The following ABCA10 variants were observed in gnomAD, a reference collection of about 807,000 sequenced individuals.
ABCA10 encodes the protein ATP binding cassette subfamily A member 10.
ABCA10 carries 169 observed loss-of-function variants against 187.5 expected under a neutral mutation model. That is an observed-to-expected ratio of 0.90 (90% confidence interval 0.80 to 1.02). The LOEUF is 1.02. Ranked by LOEUF, ABCA10 falls within the 50% of genes least tolerant of loss-of-function variation. The probability of loss-of-function intolerance (pLI) is 0.00; values close to 1 mark genes in which losing one functional copy is unlikely to be tolerated. For synonymous variants in ABCA10, 574 were observed against 601.8 expected (o/e 0.95, Z 0.68); for missense variants, 1,727 against 1,812.4 (o/e 0.95, Z 0.86).
chr17:69,220,004 G>A (rs2074734792), intron 5 of ABCA10, among the ~76,000 whole-genome samples: 2 of 152,116 alleles, frequency 1.3e-5, no homozygotes, highest in Admixed American at 1.3e-4. Context: ...CTACGTAATG[G>A]GGAAACAGCA....
intron 20 of ABCA10, among the ~76,000 whole-genome samples, chr17:69,183,351 T>C (rs1284012474): frequency 6.6e-6 from 1 of 152,120 alleles, no homozygotes; most frequent in Non-Finnish European, 1.5e-5. Context: ...ATTTCCATCA[T>C]AGATGGAAAG....
chr17:69,229,152 G>A (rs906759529), upstream of ABCA10, among the ~76,000 whole-genome samples: 15 of 151,972 alleles, frequency 9.9e-5, no homozygotes, highest in Admixed American at 9.8e-4. Flanking sequence ...ACTAGAAAGT[G>A]TTCTAAGGGT....
intron 27 of ABCA10, among the ~76,000 whole-genome samples, chr17:69,160,594 A>T (rs562587651): frequency 3.0e-4 from 46 of 152,288 alleles, no homozygotes; most frequent in Non-Finnish European, 5.4e-4. Context: ...TGACAGAGCA[A>T]GACTCCAGAA....
intron 36 of ABCA10, among the ~76,000 whole-genome samples, chr17:69,150,781 G>A (rs1479035590): frequency 6.6e-6 from 1 of 152,182 alleles, no homozygotes; most frequent in Non-Finnish European, 1.5e-5. Flanking sequence ...GAAGTACTCA[G>A]TAGCTACGTA....
At chr17:69,152,284 G>C (rs2074135251) in intron 35 of ABCA10, 78 bp downstream of exon 35, 1 of 1,576,328 alleles carries the variant, frequency 6.3e-7, no homozygotes, top group South Asian at 1.2e-5. Context: ...GAGCTGTAGA[G>C]CATCAGCTGT....
At chr17:69,210,166 ATTTC>A (rs1403832020) in intron 9 of ABCA10, among the ~76,000 whole-genome samples, 2 of 56,224 alleles carry the variant, frequency 3.6e-5, no homozygotes, top group African/African-American at 7.0e-5. Context: ...TTTAGTGGTT[ATTTC>A]TTTTTTTTTT....
intron 25 of ABCA10, among the ~76,000 whole-genome samples, chr17:69,167,858 CA>C (rs1792276969): frequency 6.6e-6 from 1 of 151,946 alleles, no homozygotes; most frequent in Non-Finnish European, 1.5e-5. Context: ...AATAAAAAAG[CA>C]AAAAGTAAGA....
intron 34 of ABCA10, 133 bp downstream of exon 34, chr17:69,153,172 G>A: frequency 9.1e-7 from 1 of 1,095,216 alleles, no homozygotes; most frequent in Non-Finnish European, 1.3e-6. Flanking sequence ...AGGTTTCACT[G>A]AATTACATAA....
chr17:69,236,656 A>G (rs946677422), intron 1 of ABCA10, among the ~76,000 whole-genome samples: 4 of 152,236 alleles, frequency 2.6e-5, no homozygotes, highest in African/African-American at 9.6e-5. Flanking sequence ...CTTTGGATAA[A>G]TGAATCAATT....
At chr17:69,188,577 G>T (rs867855400) in intron 18 of ABCA10, among the ~76,000 whole-genome samples, 1 of 151,286 alleles carries the variant, frequency 6.6e-6, no homozygotes, top group African/African-American at 2.4e-5. Flanking sequence ...TTAGGTGCAG[G>T]CTTGTTACAT....
At chr17:69,225,240 A>G (rs961457272) in intron 3 of ABCA10, 85 bp downstream of exon 3, 1 of 1,451,458 alleles carries the variant, frequency 6.9e-7, no homozygotes, top group Non-Finnish European at 9.6e-7. Flanking sequence ...ACTGACACAC[A>G]GGCTAGGTAA....
chr17:69,152,409 A>G lies in ABCA10; in HGVS notation c.4209T>C (p.Ala1403=). 6.2e-7 allele frequency: 1 copy of G among 1,614,066 alleles called. No individual in the cohort carries two copies. The highest frequency in any genetic ancestry group is 1.3e-5 in the African/African-American group (1 of 75,038). ...TGGCCATACGGTCACACACAGCCTC[A>G]GCCTCTGACATGTAATGGGTGGTCA... ...TLLTTHYMSE[A]EAVCDRMAMM... The change falls in exon 35 of 39, where the codon GCT becomes GCC. Residue 1403 remains alanine (A), a synonymous_variant. Transcript: ENST00000690296.
At chr17:69,182,391 A>G in intron 21 of ABCA10, 101 bp from the exon 22 acceptor site, 1 of 1,087,426 alleles carries the variant, frequency 9.2e-7, no homozygotes, top group East Asian at 3.0e-5. Flanking sequence ...TGAGAAGGAG[A>G]CTATTAATTT....
intron 9 of ABCA10, among the ~76,000 whole-genome samples, chr17:69,207,465 T>C (rs886728496): frequency 1.3e-5 from 2 of 152,128 alleles, no homozygotes; most frequent in African/African-American, 4.8e-5. Context: ...TTATTCACAA[T>C]AGTCAAGATA....
chr17:69,183,930 C>T (rs919145453), intron 20 of ABCA10, among the ~76,000 whole-genome samples: 3 of 152,108 alleles, frequency 2.0e-5, no homozygotes, highest in African/African-American at 4.8e-5. Flanking sequence ...GGCACATAAC[C>T]GGAGAGCCCT....
In ABCA10 at chr17:69,167,302, T is replaced by C. The variant is rs539670120; in HGVS notation, c.3163-2219A>G. ...CAGGCTCATTACACACAGTACTCTA[T>C]GGAAAGGATTGTCAACATCATAGAA... On this transcript the variant is annotated intron_variant, in intron 25 of 38. Coordinates refer to ENST00000690296, the MANE Select transcript of ABCA10 (RefSeq NM_001377321.1). Among the ~76,000 whole-genome samples the C allele has an allele frequency of 2.0e-5, 3 of 152,196 alleles. No individual in the cohort carries two copies. The South Asian group carries it at 6.2e-4, about 32-fold the overall frequency.
At chr17:69,150,898 G>A (rs1258288101) in intron 36 of ABCA10, among the ~76,000 whole-genome samples, 2 of 152,112 alleles carry the variant, frequency 1.3e-5, no homozygotes, top group Non-Finnish European at 2.9e-5. Flanking sequence ...TGTTGGTATG[G>A]TTGTGGTGGT....
rs147893734 is a variant in ABCA10 at position 69,240,966 on chromosome 17, G to C, written c.-593+3563C>G. On this transcript the variant is annotated intron_variant, in intron 1 of 39. Coordinates refer to the ABCA10 transcript ENST00000269081. ...TACCATCAATACCCCCTGACTCTCA[G>C]CTTGTGAATGGGTTCCAAAACTAAC... Among the ~76,000 whole-genome samples the C allele has an allele frequency of 4.7e-3, 722 of 152,220 alleles. 10 individuals carry two copies. Among genetic ancestry groups the C allele is most frequent in the African/African-American group, 0.016 (665 of 41,540 alleles).
At chr17:69,238,434 T>C (rs1249270452) in intron 1 of ABCA10, among the ~76,000 whole-genome samples, 1 of 152,188 alleles carries the variant, frequency 6.6e-6, no homozygotes, top group Non-Finnish European at 1.5e-5. Context: ...AACTCCCATG[T>C]ATATCTATTC....
Sources: gnomAD v4.1 joint callset for allele counts (sites outside exome capture counted in the v4.1 genomes callset) on GRCh38, gnomAD v4.1.1 for gene constraint, MANE v1.5 for transcripts, NCBI Gene and HGNC (gene_info 2026-07-23, HGNC 2026-07-21) for gene names.